The following MYOT variants were observed in gnomAD, a reference collection of about 807,000 sequenced individuals.
MYOT encodes 57 kDa cytoskeletal protein.
A neutral mutation model predicts 58.0 loss-of-function variants in MYOT; 36 were observed. That is an observed-to-expected ratio of 0.62 (90% CI 0.48 to 0.82). MYOT has a LOEUF of 0.82. MYOT is among the 40% of genes least tolerant of loss of function. The pLI is 0.00. For missense variants in MYOT, 505 were observed against 592.1 expected, an observed-to-expected ratio of 0.85 and a Z score of 1.53; for synonymous variants, 218 against 204.6, an observed-to-expected ratio of 1.07 and a Z score of -0.56.
At chr5:137,876,994 T>A (rs1489966729) in intron 3 of MYOT, among the ~76,000 whole-genome samples, 1 of 151,378 alleles carries the variant, frequency 6.6e-6, no homozygotes, top group Admixed American at 6.6e-5. Flanking sequence ...AAAGCCTAAG[T>A]GAACCTTTAC....
intron 8 of MYOT, among the ~76,000 whole-genome samples, chr5:137,886,517 T>C (rs1755605614): frequency 6.6e-6 from 1 of 152,196 alleles, no homozygotes; most frequent in South Asian, 2.1e-4. Context: ...TCTTTTCTTT[T>C]CTTTCTTTAC....
At chr5:137,874,067 C>G (rs1755132297) in intron 2 of MYOT, among the ~76,000 whole-genome samples, 1 of 152,106 alleles carries the variant, frequency 6.6e-6, no homozygotes, top group African/African-American at 2.4e-5. Flanking sequence ...AGAGAAGAGA[C>G]CAAGATTGTC....
intron 7 of MYOT, among the ~76,000 whole-genome samples, chr5:137,885,771 CAAAAAAAAAAAAAAAAA>C (rs71583286): frequency 1.8e-3 from 57 of 30,980 alleles, no homozygotes; most frequent in Middle Eastern, 0.067. Context: ...GACTCTGTCT[CAAAAAAAAAAAAAAAAA>C]AAAAAAAAAA....
chr5:137,885,955 TA>T (rs1196661108), intron 7 of MYOT, 92 bp from the exon 8 acceptor site: 2 of 831,708 alleles, frequency 2.4e-6, no homozygotes, highest in African/African-American at 3.5e-5. Context: ...TTTAACATTT[TA>T]ATATCAACAT....
chr5:137,876,185 T>A (rs1014612593), intron 3 of MYOT, 182 bp downstream of exon 3: 1 of 638,706 alleles, frequency 1.6e-6, no homozygotes, highest in Non-Finnish European at 2.7e-6. Flanking sequence ...TGGTTTACAG[T>A]AGTAAAAGAA....
At chr5:137,881,293 C>T (rs1194725226) in intron 5 of MYOT, among the ~76,000 whole-genome samples, 1 of 152,158 alleles carries the variant, frequency 6.6e-6, no homozygotes, top group Non-Finnish European at 1.5e-5. Flanking sequence ...TCAAATATGC[C>T]ACAGGTAAAT....
At chr5:137,876,035 C>A (rs746169789) in intron 3 of MYOT, 32 bp downstream of exon 3, 2 of 1,605,072 alleles carry the variant, frequency 1.2e-6, no homozygotes, top group Non-Finnish European at 1.7e-6. Flanking sequence ...TACAAAAGGC[C>A]AATTAAACTA....
intron 7 of MYOT, 78 bp downstream of exon 7, chr5:137,883,669 G>C (rs189004326): frequency 4.5e-6 from 6 of 1,334,602 alleles, no homozygotes; most frequent in African/African-American, 4.4e-5. Context: ...TAAAAGAAAA[G>C]CCCAGCAGAC....
At chr5:137,878,650 C>T (rs1048629035) in intron 4 of MYOT, among the ~76,000 whole-genome samples, 6 of 151,830 alleles carry the variant, frequency 4.0e-5, no homozygotes, top group African/African-American at 1.5e-4. Context: ...TGGTGAAACC[C>T]AGTCTCTACT....
At chr5:137,869,607 A>G (rs1754976169) in intron 1 of MYOT, among the ~76,000 whole-genome samples, 1 of 152,198 alleles carries the variant, frequency 6.6e-6, no homozygotes, top group African/African-American at 2.4e-5. Context: ...ATTTGAAAAG[A>G]AAAAGTAAAA....
chr5:137,869,876 T>C, intron 1 of MYOT, among the ~76,000 whole-genome samples: 1 of 152,072 alleles, frequency 6.6e-6, no homozygotes, highest in Non-Finnish European at 1.5e-5. Flanking sequence ...ATGCAGCCTG[T>C]AACATATGTT....
chr5:137,883,603 A>C lies in MYOT; in HGVS notation c.1024+12A>C. 6.2e-7 allele frequency: 1 copy of C among 1,611,306 alleles called. No homozygotes were observed. Among genetic ancestry groups the C allele is most frequent in the Non-Finnish European group, 8.5e-7 (1 of 1,177,410 alleles). ...GCTGGATGTCCTTGGTAAGCCTCCAAAGAGACCCTTGAGAATTCCTTAAAA... is the reference window on the plus strand; with the variant it reads ...GCTGGATGTCCTTGGTAAGCCTCCACAGAGACCCTTGAGAATTCCTTAAAA... On this transcript the variant is annotated intron_variant, in intron 7 of 9. Coordinates refer to ENST00000239926, the MANE Select transcript of MYOT (RefSeq NM_006790.3).
intron 2 of MYOT, among the ~76,000 whole-genome samples, chr5:137,873,641 C>A (rs910287891): frequency 6.6e-6 from 1 of 151,658 alleles, no homozygotes; most frequent in African/African-American, 2.4e-5. Context: ...TCTAGGAATT[C>A]AATCTTTAAA....
Position 137,886,978 on chromosome 5 carries a change from CA to C in MYOT, c.1306del (p.Thr436GlnfsTer3). ...VNEAGVTTCN[T>X]RLDVTARPNQ... ...ATGAAGCTGGAGTGACTACATGTAA[CA>C]CAAGATTAGACGTTACGGGTATGTC... On this transcript the variant is annotated frameshift_variant, in exon 9 of 10. Coordinates refer to ENST00000239926, the MANE Select transcript of MYOT (RefSeq NM_006790.3). LOFTEE classifies it high-confidence loss of function. 6.2e-7 allele frequency: 1 copy of C among 1,613,460 alleles called. No individual in the cohort carries two copies. The highest frequency in any genetic ancestry group is 2.2e-5 in the East Asian group (1 of 44,858).
chr5:137,881,576 A>C (rs1755431095), intron 5 of MYOT, among the ~76,000 whole-genome samples: 1 of 152,228 alleles, frequency 6.6e-6, no homozygotes, highest in South Asian at 2.1e-4. Context: ...AGGTAAGAGA[A>C]TCACTTGAAC....
Position 137,887,778 on chromosome 5 carries a change from A to AG in MYOT, c.*393_*394insG, listed in dbSNP as rs1260087272. ...ACCCGTTTTCTCTTGTAGGAATACTAACATGGTATAGATTATCTGAGTGTT... is the reference window on the plus strand; with the variant it reads ...ACCCGTTTTCTCTTGTAGGAATACTAGACATGGTATAGATTATCTGAGTGTT... On this transcript the variant is annotated 3_prime_UTR_variant, in exon 10 of 10. Coordinates refer to ENST00000239926, the MANE Select transcript of MYOT (RefSeq NM_006790.3). 1 of 158,928 alleles carries AG rather than the reference A, an allele frequency of 6.3e-6. No homozygotes were observed. Among genetic ancestry groups the AG allele is most frequent in the Non-Finnish European group, 1.4e-5 (1 of 73,260 alleles). 9.8% of individuals were successfully genotyped at this position (158,928 alleles called of 1,614,324 possible).
chr5:137,878,330 G>A (rs994319956), intron 4 of MYOT, among the ~76,000 whole-genome samples: 2 of 151,058 alleles, frequency 1.3e-5, no homozygotes, highest in African/African-American at 4.9e-5. Context: ...TGATTCTCCT[G>A]CCTCAGCCTC....
Position 137,870,547 on chromosome 5 carries a change from C to T in MYOT, c.-105C>T. 2 of 1,008,350 alleles carry T rather than the reference C, an allele frequency of 2.0e-6. No individual in the cohort carries two copies. The highest frequency in any genetic ancestry group is 2.5e-5 in the South Asian group (2 of 78,484). 62.5% of individuals were successfully genotyped at this position (1,008,350 alleles called of 1,614,324 possible). On this transcript the variant is annotated 5_prime_UTR_variant, in exon 2 of 10. Transcript: ENST00000239926. ...CAAGGTTGCTTCTGATTCCTTACAA[C>T]CTTCCGTAATTCCAGGCTTGTGGCC...
At position 137,870,816 on chromosome 5, in the gene MYOT, C is replaced by G. The variant is rs1490729418; in HGVS notation, c.165C>G (p.Ser55=). 1.2e-6 allele frequency: 2 copies of G among 1,614,164 alleles called. No homozygotes were observed. Among genetic ancestry groups the G allele is most frequent in the Admixed American group, 1.7e-5 (1 of 60,018 alleles). ...GTACAGAGCAAAGATTTTCTGCCTCCTCAACACTGAGCTCTCACATCACCA... is the reference window on the plus strand; with the variant it reads ...GTACAGAGCAAAGATTTTCTGCCTCGTCAACACTGAGCTCTCACATCACCA... The part of the protein sequence containing the change: ...RQCTEQRFSA[S]STLSSHITMS... The change falls in exon 2 of 10, where the codon TCC becomes TCG. Residue 55 remains serine, a synonymous_variant. Transcript: ENST00000239926.
Sources: allele counts gnomAD v4.1 joint callset (sites outside exome capture counted in the v4.1 genomes callset), GRCh38; gene constraint gnomAD v4.1.1; transcripts MANE v1.5; gene names NCBI Gene and HGNC (gene_info 2026-07-23, HGNC 2026-07-21).